DMP1: variants seen among roughly 807,000 people sequenced by gnomAD.
DMP1 encodes dentin matrix acidic phosphoprotein 1.
Under a neutral mutation model 14.6 loss-of-function variants are expected in DMP1, and 20 were observed. That is an observed-to-expected ratio of 1.37 (90% CI 0.96 to 1.99). The LOEUF is 1.99. DMP1 is among the 30% of genes most tolerant of loss of function. DMP1 has a pLI of 0.00. For missense variants in DMP1, 567 were observed against 620.5 expected, an observed-to-expected ratio of 0.91 and a Z score of 0.92; for synonymous variants, 197 against 215.3, an observed-to-expected ratio of 0.91 and a Z score of 0.75.
At chr4:87,661,065 G>A (rs929479238) in intron 5 of DMP1, among the ~76,000 whole-genome samples, 4 of 152,134 alleles carry the variant, frequency 2.6e-5, no homozygotes, top group African/African-American at 9.7e-5. Context: ...TTGAGACGGA[G>A]TCTCGCTCTG....
rs1578152410 is a variant in DMP1, at chr4:87,657,034, A to T, written c.57A>T (p.Val19=). 2 of 1,541,808 alleles carry T rather than the reference A, an allele frequency of 1.3e-6. No homozygotes were observed. The highest frequency in any genetic ancestry group is 4.5e-5 in the East Asian group (2 of 44,488). ...FLWGLSCALP[V]TRYQNNESED... is the part of the protein sequence containing the mutation. ...ACCATGTGTACTAAATTTTCTAGGTAACCAGGTATCAAAATAATGAATCTG... is the reference window on the plus strand; with the variant it reads ...ACCATGTGTACTAAATTTTCTAGGTTACCAGGTATCAAAATAATGAATCTG... Residue 19 remains valine (V), a splice_region_variant and synonymous_variant, in exon 3 of 6, where the codon GTA becomes GTT. Transcript: ENST00000339673.
intron 3 of DMP1, chr4:87,658,968 T>C: frequency 1.8e-6 from 1 of 543,850 alleles, no homozygotes; most frequent in East Asian, 3.1e-5. Flanking sequence ...AAAGCATATT[T>C]ATTTCTGTAA....
At chr4:87,654,071 C>T (rs952267596) in intron 1 of DMP1, among the ~76,000 whole-genome samples, 1 of 152,160 alleles carries the variant, frequency 6.6e-6, no homozygotes, top group African/African-American at 2.4e-5. Flanking sequence ...TGTCCAGATT[C>T]TTCTTGGCCT....
chr4:87,662,037 C>A lies in DMP1; in HGVS notation c.259C>A (p.Leu87Ile), dbSNP rs758377752. The part of the protein sequence containing the change: ...GSDDHQYIYR[L>I]AGGFSRSTGK... ...TGATGATCATCAATACATTTATAGG[C>A]TAGCTGGTGGCTTCTCCAGGAGCAC... Residue 87 changes from leucine to isoleucine, a missense_variant, in exon 6 of 6, where the codon CTA (leucine) becomes ATA (isoleucine). Coordinates refer to ENST00000339673, the MANE Select transcript of DMP1 (RefSeq NM_004407.4). 5 of 1,614,178 alleles carry A rather than the reference C, an allele frequency of 3.1e-6. No individual in the cohort carries two copies. The highest frequency in any genetic ancestry group is 3.4e-6 in the Non-Finnish European group (4 of 1,180,032).
At chr4:87,653,386 G>GACATAT (rs1400220280) in intron 1 of DMP1, among the ~76,000 whole-genome samples, 2 of 57,728 alleles carry the variant, frequency 3.5e-5, no homozygotes, top group African/African-American at 9.8e-5. Flanking sequence ...ATTATCGAGT[G>GACATAT]ATATATATAT....
In DMP1 at chr4:87,664,294, A is replaced by G. The variant is rs1729027557; in HGVS notation, c.*974A>G. The G allele has an allele frequency of 6.6e-6, 1 of 152,652 alleles. No individual in the cohort carries two copies. Among genetic ancestry groups the G allele is most frequent in the African/African-American group, 2.4e-5 (1 of 41,462 alleles). 9.5% of individuals were successfully genotyped at this position (152,652 alleles called of 1,614,324 possible). ...AAGATTCAATTGATTTTTGACAAAT[A>G]CCATTTGAAATATTACCTCAACATA... On this transcript the variant is annotated 3_prime_UTR_variant, in exon 6 of 6. Transcript: ENST00000339673.
At chr4:87,661,652 T>TG (rs1728885273) in intron 5 of DMP1, among the ~76,000 whole-genome samples, 1 of 150,962 alleles carries the variant, frequency 6.6e-6, no homozygotes. Flanking sequence ...CAAGAGTTTT[T>TG]TTTTTTTTTT....
At chr4:87,657,115 T>C (rs769026068) in intron 3 of DMP1, 36 bp downstream of exon 3, 2 of 1,240,784 alleles carry the variant, frequency 1.6e-6, no homozygotes, top group East Asian at 4.8e-5. Flanking sequence ...ATATTTTAAT[T>C]TTAATTTATT....
In DMP1 at chr4:87,662,516, T is replaced by C. The variant is rs190314299; in HGVS notation, c.738T>C (p.Ser246=). The C allele has an allele frequency of 1.2e-6, 2 of 1,614,066 alleles. No homozygotes were observed. The highest frequency in any genetic ancestry group is 2.2e-5 in the South Asian group (2 of 91,072). ...GMKSKESGEN[S]EQANTQDSGG... The stretch of plus-strand genomic sequence containing the variant: ...AATCAAAAGAATCTGGAGAAAACAG[T>C]GAGCAAGCAAACACTCAAGATTCAG... Residue 246 remains serine, a synonymous_variant, in exon 6 of 6, where the codon AGT becomes AGC. Coordinates refer to ENST00000339673, the MANE Select transcript of DMP1 (RefSeq NM_004407.4).
chr4:87,653,632 C>G (rs1432034994), intron 1 of DMP1, among the ~76,000 whole-genome samples: 2 of 151,580 alleles, frequency 1.3e-5, no homozygotes, highest in African/African-American at 2.4e-5. Context: ...GTTAAAATCT[C>G]TTGTGGAACT....
Position 87,662,542 on chromosome 4 carries a change from G to A in DMP1, c.764G>A (p.Gly255Asp). 6.2e-7 allele frequency: 1 copy of A among 1,614,150 alleles called. No individual in the cohort carries two copies. Among genetic ancestry groups the A allele is most frequent in the South Asian group, 1.1e-5 (1 of 91,080 alleles). The change falls in exon 6 of 6, where the codon GGT becomes GAT. Residue 255 changes from glycine (G) to aspartate (D), a missense_variant. Physicochemically the swap from Gly to Asp is moderately conservative, Grantham distance 94. Transcript: ENST00000339673. ...GAGCAAGCAAACACTCAAGATTCAG[G>A]TGGCAGCCAATTGCTGGAGCATCCC... ...NSEQANTQDS[G>D]GSQLLEHPSR...
intron 2 of DMP1, 35 bp downstream of exon 2, chr4:87,656,581 T>G: frequency 7.0e-7 from 1 of 1,434,284 alleles, no homozygotes; most frequent in Non-Finnish European, 9.8e-7. Context: ...GAAAAAACCC[T>G]TTCATACTTA....
At position 87,659,163 on chromosome 4, in the gene DMP1, A is replaced by G. The variant is rs1326897082; in HGVS notation, c.103-57A>G. The G allele has an allele frequency of 7.8e-6, 12 of 1,547,366 alleles. No individual in the cohort carries two copies. In the Admixed American group the frequency reaches 1.8e-4, roughly 24 times the overall value. On this transcript the variant is annotated intron_variant, in intron 3 of 5. Transcript: ENST00000339673. The stretch of plus-strand genomic sequence containing the variant: ...CCTAAAATTATTGTAAATAATTACA[A>G]TAATGAAATCCATCTGTGAGGGAGT...
intron 5 of DMP1, among the ~76,000 whole-genome samples, chr4:87,660,327 CA>C (rs1728824161): frequency 6.6e-6 from 1 of 152,184 alleles, no homozygotes; most frequent in African/African-American, 2.4e-5. Context: ...TGTAAGCTTT[CA>C]AGTTACGGTA....
rs141205645 is a variant in DMP1, at chr4:87,661,862, A to C, written c.184-100A>C. 5.8e-4 allele frequency: 922 copies of C among 1,599,938 alleles called. 13 individuals carry two copies. In the East Asian group the frequency reaches 0.018, roughly 31 times the overall value. On this transcript the variant is annotated intron_variant, in intron 5 of 5. Coordinates refer to ENST00000339673, the MANE Select transcript of DMP1 (RefSeq NM_004407.4). ...AACTGACCGTAGATTAGAGGAGGGG[A>C]TGTAGGGCGAAGGAAGCAGAAAGAC...
chr4:87,661,889 A>G (rs960867062), intron 5 of DMP1, 73 bp from the exon 6 acceptor site: 78 of 1,612,812 alleles, frequency 4.8e-5, no homozygotes, highest in Non-Finnish European at 6.2e-5. Context: ...CAGAAAGACT[A>G]GAAAGGCTCT....
In DMP1 at chr4:87,662,622, C is replaced by G; in HGVS notation, c.844C>G (p.Leu282Val). The change falls in exon 6 of 6, where the codon CTT (leucine) becomes GTT (valine). Residue 282 changes from leucine (L) to valine (V), a missense_variant. Transcript: ENST00000339673. Reference sequence around the variant, plus strand: ...CTCAGAGGAAGATGACAGAAGCGAGCTTGATGACAACAACACAATGGAAGA... The same window carrying G: ...CTCAGAGGAAGATGACAGAAGCGAGGTTGATGACAACAACACAATGGAAGA... The part of the protein sequence containing the change: ...RISEEDDRSE[L>V]DDNNTMEEVK... 2 of 1,614,084 alleles carry G rather than the reference C, an allele frequency of 1.2e-6. No individual in the cohort carries two copies. The highest frequency in any genetic ancestry group is 2.2e-5 in the South Asian group (2 of 91,084).
At position 87,662,246 on chromosome 4, in the gene DMP1, C is replaced by G. The variant is rs751658181; in HGVS notation, c.468C>G (p.Asp156Glu). ...ASEESAPQGQ[D>E]SAQDTTSESR... is the part of the protein sequence containing the mutation. ...AAGAGAGTGCCCCACAAGGGCAAGA[C>G]AGTGCCCAAGATACCACCAGTGAGA... The change falls in exon 6 of 6, where the codon GAC (aspartate) becomes GAG (glutamate). Residue 156 changes from aspartate (D) to glutamate (E), a missense_variant. By Grantham distance (45) the Asp-to-Glu change is conservative. Transcript: ENST00000339673. 5.6e-6 allele frequency: 9 copies of G among 1,614,174 alleles called. No homozygotes were observed. The South Asian group carries it at 7.7e-5, about 14-fold the overall frequency.
rs1728931410 is a variant in DMP1 at position 87,662,456 on chromosome 4, A to C, written c.678A>C (p.Glu226Asp). 1.9e-6 allele frequency: 3 copies of C among 1,614,216 alleles called. No individual in the cohort carries two copies. The highest frequency in any genetic ancestry group is 2.5e-6 in the Non-Finnish European group (3 of 1,180,048). ...QSDDPESIRSERGNSRMNSAG... is the reference protein window; with the variant it reads ...QSDDPESIRSDRGNSRMNSAG... ...ATGACCCAGAGAGCATCAGGAGTGA[A>C]AGGGGAAACTCCAGAATGAACAGTG... The change falls in exon 6 of 6, where the codon GAA becomes GAC. Residue 226 changes from glutamate to aspartate, a missense_variant. By Grantham distance (45) the Glu-to-Asp change is conservative. Coordinates refer to ENST00000339673, the MANE Select transcript of DMP1 (RefSeq NM_004407.4).
Sources: gnomAD v4.1 joint callset for allele counts (sites outside exome capture counted in the v4.1 genomes callset) on GRCh38, gnomAD v4.1.1 for gene constraint, MANE v1.5 for transcripts, NCBI Gene and HGNC (gene_info 2026-07-23, HGNC 2026-07-21) for gene names.